Variants in RAB3C observed in about 807,000 individuals in gnomAD.
The protein encoded by RAB3C is ras-related protein Rab-3C.
In RAB3C, 17 loss-of-function variants were observed where a neutral mutation model predicts 26.4. That is an observed-to-expected ratio of 0.64 (90% CI 0.44 to 0.97). The LOEUF (loss-of-function observed/expected upper bound fraction) is 0.97, where lower values mean the gene tolerates loss of function less well. Ranked by LOEUF, RAB3C falls within the 50% of genes least tolerant of loss-of-function variation. RAB3C has a pLI of 0.00. For synonymous variants in RAB3C, 91 were observed against 95.9 expected (o/e 0.95, Z 0.30); for missense variants, 242 against 281.9 (o/e 0.86, Z 1.01).
rs116111326 is a variant in RAB3C at position 58,758,447 on chromosome 5, T to C, written c.371+32327T>C. ...GTTTTTCCTCATATATATAGACATATTGTTTATGTGTTATGTACAGAGATT... is the reference window on the plus strand; with the variant it reads ...GTTTTTCCTCATATATATAGACATACTGTTTATGTGTTATGTACAGAGATT... On this transcript the variant is annotated intron_variant, in intron 3 of 4. Coordinates refer to ENST00000282878, the MANE Select transcript of RAB3C (RefSeq NM_138453.4). 1.7e-3 allele frequency among the ~76,000 whole-genome samples: 257 copies of C among 152,274 alleles called. 2 individuals carry two copies. Among genetic ancestry groups the C allele is most frequent in the African/African-American group, 5.9e-3 (246 of 41,556 alleles).
intron 2 of RAB3C, among the ~76,000 whole-genome samples, chr5:58,718,932 T>G (rs368873734): frequency 3.0e-4 from 45 of 152,196 alleles, no homozygotes; most frequent in Admixed American, 2.8e-3. Context: ...CCTATTTTTC[T>G]TACTATTTTT....
intron 2 of RAB3C, among the ~76,000 whole-genome samples, chr5:58,672,800 A>G (rs1315312956): frequency 6.6e-6 from 1 of 152,200 alleles, no homozygotes; most frequent in Admixed American, 6.5e-5. Context: ...CTTTTAAGTC[A>G]GTGGGTACTC....
intron 3 of RAB3C, among the ~76,000 whole-genome samples, chr5:58,753,307 T>G (rs1741574922): frequency 1.3e-5 from 2 of 152,088 alleles, no homozygotes; most frequent in South Asian, 4.1e-4. Context: ...AACCAAGAGA[T>G]CTCAATGAGA....
At chr5:58,707,335 T>C (rs542868751) in intron 2 of RAB3C, among the ~76,000 whole-genome samples, 1 of 152,268 alleles carries the variant, frequency 6.6e-6, no homozygotes, top group East Asian at 1.9e-4. Flanking sequence ...TGTTGATGTA[T>C]AAAACATTGC....
At chr5:58,737,443 ATATAT>A (rs200143138) in intron 3 of RAB3C, among the ~76,000 whole-genome samples, 4,076 of 39,430 alleles carry the variant, frequency 0.1, 570 homozygotes, top group Non-Finnish European at 0.13. Flanking sequence ...ATATATATAT[ATATAT>A]AATTTACTTG....
chr5:58,621,352 G>C (rs890992258), intron 2 of RAB3C, among the ~76,000 whole-genome samples: 49 of 152,190 alleles, frequency 3.2e-4, no homozygotes, highest in Non-Finnish European at 7.3e-5. Context: ...AAGATATAGA[G>C]AGGCTAAGCG....
chr5:58,698,110 G>A (rs1748758303), intron 2 of RAB3C, among the ~76,000 whole-genome samples: 1 of 152,124 alleles, frequency 6.6e-6, no homozygotes, highest in South Asian at 2.1e-4. Context: ...GCTCTTGTAA[G>A]TCAGGCCTGT....
intron 2 of RAB3C, among the ~76,000 whole-genome samples, chr5:58,678,207 T>C (rs941734899): frequency 6.6e-6 from 1 of 152,168 alleles, no homozygotes; most frequent in Non-Finnish European, 1.5e-5. Flanking sequence ...CTAAGTATTT[T>C]TCATATAAGA....
At chr5:58,695,842 T>C (rs550662715) in intron 2 of RAB3C, among the ~76,000 whole-genome samples, 11 of 152,198 alleles carry the variant, frequency 7.2e-5, no homozygotes, top group Admixed American at 4.6e-4. Flanking sequence ...TGGGGTTTTC[T>C]AAATATATAA....
intron 1 of RAB3C, among the ~76,000 whole-genome samples, chr5:58,612,620 T>C (rs555138761): frequency 1.5e-4 from 22 of 150,054 alleles, no homozygotes; most frequent in African/African-American, 4.9e-4. Context: ...AGCTTTCAAC[T>C]TGACTGTTAT....
chr5:58,611,585 G>T (rs1746701996), intron 1 of RAB3C, among the ~76,000 whole-genome samples: 2 of 151,574 alleles, frequency 1.3e-5, no homozygotes, highest in African/African-American at 2.4e-5. Context: ...GTTTTTAATT[G>T]TTCTCTTGTA....
intron 2 of RAB3C, among the ~76,000 whole-genome samples, chr5:58,627,974 G>A (rs1285156737): frequency 6.6e-5 from 10 of 151,992 alleles, no homozygotes; most frequent in Admixed American, 4.6e-4. Flanking sequence ...TGGCTAACAC[G>A]GTGAAACCCC....
intron 3 of RAB3C, among the ~76,000 whole-genome samples, chr5:58,771,012 C>T (rs543656667): frequency 6.6e-4 from 101 of 152,048 alleles, no homozygotes; most frequent in Non-Finnish European, 1.3e-3. Context: ...ACTAAGAATG[C>T]TTCACTATAT....
chr5:58,592,118 C>T (rs1746144966), intron 1 of RAB3C, among the ~76,000 whole-genome samples: 1 of 151,970 alleles, frequency 6.6e-6, no homozygotes, highest in Non-Finnish European at 1.5e-5. Context: ...ACACCCATCT[C>T]GAACTCCTGA....
chr5:58,832,082 T>C (rs1257708329), intron 4 of RAB3C, among the ~76,000 whole-genome samples: 2 of 152,204 alleles, frequency 1.3e-5, no homozygotes, highest in East Asian at 1.9e-4. Flanking sequence ...TGTAATTGGT[T>C]CCACCCTTCA....
intron 3 of RAB3C, among the ~76,000 whole-genome samples, chr5:58,808,568 A>G (rs1285171606): frequency 6.6e-6 from 1 of 152,216 alleles, no homozygotes; most frequent in Non-Finnish European, 1.5e-5. Context: ...TGGCCCAAGA[A>G]TTCTTTTCAA....
At chr5:58,838,488 T>C (rs2675373) in intron 4 of RAB3C, among the ~76,000 whole-genome samples, 79,292 of 152,004 alleles carry the variant, frequency 0.52, 21,208 homozygotes, top group Middle Eastern at 0.68. Context: ...TTTCCATGTA[T>C]TTGTGTTGTT....
upstream of RAB3C, chr5:58,582,290 A>G: frequency 2.1e-6 from 1 of 466,774 alleles, no homozygotes. Context: ...CGCCACCCCT[A>G]CCCCTTCTAT....
At chr5:58,683,173 C>T (rs1579855596) in intron 2 of RAB3C, among the ~76,000 whole-genome samples, 1 of 152,252 alleles carries the variant, frequency 6.6e-6, no homozygotes, top group South Asian at 2.1e-4. Flanking sequence ...TATTATATAG[C>T]TTTACACCAT....
Sources: allele counts gnomAD v4.1 joint callset (sites outside exome capture counted in the v4.1 genomes callset), GRCh38; gene constraint gnomAD v4.1.1; transcripts MANE v1.5; gene names NCBI Gene and HGNC (gene_info 2026-07-23, HGNC 2026-07-21).